Variants in GSAP observed in about 807,000 individuals in gnomAD.
GSAP encodes the protein gamma-secretase-activating protein.
GSAP carries 118 observed loss-of-function variants against 131.7 expected under a neutral mutation model. The observed-to-expected ratio is 0.90, with a 90% CI of 0.77 to 1.04. GSAP has a LOEUF of 1.04. Ranked by LOEUF, GSAP falls within the 50% of genes least tolerant of loss-of-function variation. GSAP has a pLI of 0.00. For synonymous variants in GSAP, 381 were observed against 363.4 expected, an observed-to-expected ratio of 1.05 and a Z score of -0.55; for missense variants, 1,019 against 1,013.2, an observed-to-expected ratio of 1.01 and a Z score of -0.08.
At chr7:77,363,069 A>G (rs1383272919) in intron 12 of GSAP, among the ~76,000 whole-genome samples, 2 of 152,236 alleles carry the variant, frequency 1.3e-5, no homozygotes, top group African/African-American at 4.8e-5. Flanking sequence ...CATTTCACAG[A>G]AAGTTACCAG....
At chr7:77,377,237 T>TTA (rs759012113) in intron 9 of GSAP, 49 bp downstream of exon 9, 49 of 894,468 alleles carry the variant, frequency 5.5e-5, no homozygotes, top group Non-Finnish European at 6.3e-5. Flanking sequence ...AATATTTTTG[T>TTA]AAAAAAAAAA....
rs1796504197 is a variant in GSAP at position 77,374,108 on chromosome 7, G to C, written c.833C>G (p.Ser278Cys). Residue 278 changes from serine to cysteine, a missense_variant, in exon 12 of 31, where the codon TCC (serine) becomes TGC (cysteine). Ser to Cys is a moderately radical substitution (Grantham distance 112). Transcript: ENST00000257626. ...AAAAACACACAGAGTCAGGTGTTTG[G>C]AAAATTTATCTCGGTATTGATGATA... ...CDYHQYRDKFSKHLTLCVFTN... is the reference protein window; with the variant it reads ...CDYHQYRDKFCKHLTLCVFTN... The C allele has an allele frequency of 6.3e-7, 1 of 1,594,872 alleles. No homozygotes were observed. Among genetic ancestry groups the C allele is most frequent in the Non-Finnish European group, 8.6e-7 (1 of 1,165,172 alleles).
chr7:77,343,521 T>A (rs1354192144), intron 19 of GSAP, among the ~76,000 whole-genome samples: 2 of 152,222 alleles, frequency 1.3e-5, no homozygotes, highest in African/African-American at 4.8e-5. Flanking sequence ...AAGGCCACTT[T>A]ACTTCCAAAG....
chr7:77,365,332 C>CAGCT (rs1482378919), intron 12 of GSAP, among the ~76,000 whole-genome samples: 1 of 152,048 alleles, frequency 6.6e-6, no homozygotes, highest in African/African-American at 2.4e-5. Flanking sequence ...TTTCATCACC[C>CAGCT]AGCTATTAAG....
intron 6 of GSAP, among the ~76,000 whole-genome samples, chr7:77,386,861 C>G (rs1183141753): frequency 6.6e-6 from 1 of 152,184 alleles, no homozygotes; most frequent in Non-Finnish European, 1.5e-5. Context: ...CTGCAAATAA[C>G]TGACGAAGTA....
chr7:77,416,403 TCCCCGCTCCCGCCCCCTCTTTCCTCTC>T (rs1804485678), upstream of GSAP: 1 of 637,804 alleles, frequency 1.6e-6, no homozygotes, highest in Non-Finnish European at 2.5e-6. Flanking sequence ...CGCCCTCGCG[TCCCCGCTCCCGCCCCCTCTTTCCTCTC>T]CCCCGCCCCC....
chr7:77,346,808 T>C (rs764080263), intron 19 of GSAP, among the ~76,000 whole-genome samples: 3 of 152,176 alleles, frequency 2.0e-5, no homozygotes, highest in African/African-American at 4.8e-5. Context: ...CCATAGCCTT[T>C]GTTACAGCCT....
At chr7:77,389,437 C>G (rs183924501) in intron 5 of GSAP, among the ~76,000 whole-genome samples, 171 of 151,428 alleles carry the variant, frequency 1.1e-3, no homozygotes, top group African/African-American at 3.8e-3. Context: ...TCCCTCCCCC[C>G]CTCCCCACCC....
At chr7:77,371,347 C>T (rs1033024966) in intron 12 of GSAP, among the ~76,000 whole-genome samples, 15 of 152,128 alleles carry the variant, frequency 9.9e-5, no homozygotes, top group Admixed American at 3.9e-4. Context: ...CTAGTTCACC[C>T]TTATTTCAAA....
chr7:77,338,413 G>A (rs1201365835), intron 19 of GSAP, among the ~76,000 whole-genome samples: 1 of 152,122 alleles, frequency 6.6e-6, no homozygotes, highest in Non-Finnish European at 1.5e-5. Context: ...TGTCTCTCTA[G>A]GAAAATTTTC....
intron 29 of GSAP, 42 bp from the exon 30 acceptor site, chr7:77,311,982 A>G (rs1228694206): frequency 1.6e-6 from 2 of 1,270,776 alleles, no homozygotes; most frequent in Non-Finnish European, 1.2e-6. Flanking sequence ...ATTCTCCACA[A>G]TAAGCACAAT....
At chr7:77,399,384 C>T (rs1326200086) in intron 3 of GSAP, among the ~76,000 whole-genome samples, 1 of 152,134 alleles carries the variant, frequency 6.6e-6, no homozygotes, top group African/African-American at 2.4e-5. Context: ...AGTTCTATTC[C>T]CCAAAGCCAC....
intron 1 of GSAP, among the ~76,000 whole-genome samples, chr7:77,415,202 G>C (rs1265357057): frequency 6.6e-6 from 1 of 152,152 alleles, no homozygotes; most frequent in African/African-American, 2.4e-5. Flanking sequence ...ATAGTCATAG[G>C]AGAGTGTGAA....
At chr7:77,382,135 C>A (rs1797897708) in intron 7 of GSAP, among the ~76,000 whole-genome samples, 1 of 151,548 alleles carries the variant, frequency 6.6e-6, no homozygotes. Context: ...TCTACCTGAA[C>A]CTGTCTAAGT....
chr7:77,397,548 T>A (rs1173296579), intron 3 of GSAP, 133 bp from the exon 4 acceptor site: 3 of 552,892 alleles, frequency 5.4e-6, no homozygotes, highest in South Asian at 2.4e-5. Context: ...CAAACTAGTT[T>A]AGCTATGCTG....
At position 77,323,714 on chromosome 7, in the gene GSAP, A is replaced by C; in HGVS notation, c.1856T>G (p.Leu619Trp). The C allele has an allele frequency of 6.3e-7, 1 of 1,598,858 alleles. No homozygotes were observed. Among genetic ancestry groups the C allele is most frequent in the Non-Finnish European group, 8.6e-7 (1 of 1,167,872 alleles). Residue 619 changes from leucine to tryptophan, a missense_variant, in exon 24 of 31, where the codon TTG (leucine) becomes TGG (tryptophan). Coordinates refer to ENST00000257626, the MANE Select transcript of GSAP (RefSeq NM_017439.4). ...LMVSELKDHF[L>W]RHLQGVEKKK... Reference sequence around the variant, plus strand: ...CTTTTCTACACCCTGTAGGTGTCTCAAAAAATGGTCTTTTAGCTCAGACAC... The same window carrying C: ...CTTTTCTACACCCTGTAGGTGTCTCCAAAAATGGTCTTTTAGCTCAGACAC...
rs534561010 is a variant in GSAP at position 77,390,939 on chromosome 7, C to T, written c.368-3491G>A. Among the ~76,000 whole-genome samples, 428 of 100,916 alleles carry T rather than the reference C, an allele frequency of 4.2e-3. 2 individuals are homozygous for T. The highest frequency in any genetic ancestry group is 0.017 in the African/African-American group (413 of 23,898). 66.2% of individuals were successfully genotyped at this position (100,916 alleles called of 152,430 possible). A position where few individuals can be genotyped will look rare whatever the true frequency, so the allele number is the denominator to read the frequency against. On this transcript the variant is annotated intron_variant, in intron 5 of 30. Coordinates refer to ENST00000257626, the MANE Select transcript of GSAP (RefSeq NM_017439.4). Reference sequence around the variant, plus strand: ...ACTCCAGCCTGGTGACAGAGCGAGACTCCGTCTAAAAAAAAAAAAAAAAAA... The same window carrying T: ...ACTCCAGCCTGGTGACAGAGCGAGATTCCGTCTAAAAAAAAAAAAAAAAAA...
At chr7:77,314,247 G>C (rs1381169045) in intron 27 of GSAP, 123 bp downstream of exon 27, 2 of 920,090 alleles carry the variant, frequency 2.2e-6, no homozygotes, top group African/African-American at 3.3e-5. Flanking sequence ...GCATTAAACT[G>C]AGCAGGGCAC....
intron 8 of GSAP, among the ~76,000 whole-genome samples, chr7:77,380,577 T>A (rs1468090059): frequency 6.6e-6 from 1 of 152,142 alleles, no homozygotes. Context: ...AGTTTACTTG[T>A]AGGTAATGCC....
Sources: allele counts gnomAD v4.1 joint callset (sites outside exome capture counted in the v4.1 genomes callset), GRCh38; gene constraint gnomAD v4.1.1; transcripts MANE v1.5; gene names NCBI Gene and HGNC (gene_info 2026-07-23, HGNC 2026-07-21).